The following CDKAL1 variants were observed in gnomAD, a reference collection of about 807,000 sequenced individuals.
CDKAL1 encodes the protein CDKAL1 threonylcarbamoyladenosine tRNA methylthiotransferase.
A neutral mutation model predicts 68.2 loss-of-function variants in CDKAL1; 32 were observed. That is an observed-to-expected ratio of 0.47 (90% CI 0.35 to 0.63). The LOEUF (loss-of-function observed/expected upper bound fraction) is 0.63. Among genes scored for constraint, CDKAL1 ranks in the 30% least tolerant of loss-of-function variants. The pLI is 0.00. For missense variants in CDKAL1, 606 were observed against 696.7 expected, an observed-to-expected ratio of 0.87 and a Z score of 1.47; for synonymous variants, 234 against 244.3, an observed-to-expected ratio of 0.96 and a Z score of 0.39.
rs536463827 is a variant in CDKAL1, at chr6:20,579,119, G to A, written c.286+30414G>A. 4.9e-4 allele frequency among the ~76,000 whole-genome samples: 75 copies of A among 152,092 alleles called. 1 individual carries two copies. The South Asian group carries it at 0.014, about 29-fold the overall frequency. On this transcript the variant is annotated intron_variant, in intron 4 of 15. Coordinates refer to ENST00000274695, the MANE Select transcript of CDKAL1 (RefSeq NM_017774.3). Reference sequence around the variant, plus strand: ...CAGCCTTCCGAGTAGCTGGCATTACGGGCCTGCACCACCATGCTTGGCTAA... The same window carrying A: ...CAGCCTTCCGAGTAGCTGGCATTACAGGCCTGCACCACCATGCTTGGCTAA...
At chr6:21,222,321 G>A (rs2151125499) in intron 15 of CDKAL1, among the ~76,000 whole-genome samples, 1 of 152,288 alleles carries the variant, frequency 6.6e-6, no homozygotes, top group Admixed American at 6.5e-5. Context: ...GTCTGATGTA[G>A]AATTTCTCAT....
At chr6:20,560,530 T>TA (rs1288952033) in intron 4 of CDKAL1, among the ~76,000 whole-genome samples, 1 of 152,222 alleles carries the variant, frequency 6.6e-6, no homozygotes, top group African/African-American at 2.4e-5. Context: ...AAACATTTGT[T>TA]ACCTTTAATA....
chr6:21,196,932 C>A (rs781675599), intron 13 of CDKAL1, among the ~76,000 whole-genome samples: 1 of 152,018 alleles, frequency 6.6e-6, no homozygotes, highest in African/African-American at 2.4e-5. Flanking sequence ...CCGAGGCAGG[C>A]GGATCACCTG....
intron 4 of CDKAL1, among the ~76,000 whole-genome samples, chr6:20,558,264 T>C (rs889614674): frequency 3.9e-5 from 6 of 152,208 alleles, no homozygotes; most frequent in African/African-American, 1.4e-4. Flanking sequence ...AGCTGTATTC[T>C]TTCTATCAGC....
intron 9 of CDKAL1, among the ~76,000 whole-genome samples, chr6:20,882,726 T>A (rs1760884536): frequency 6.6e-6 from 1 of 152,192 alleles, no homozygotes; most frequent in South Asian, 2.1e-4. Context: ...TTGGGGCAAT[T>A]ATGAATAAAG....
At chr6:21,133,128 A>G (rs539695388) in intron 13 of CDKAL1, among the ~76,000 whole-genome samples, 4 of 152,312 alleles carry the variant, frequency 2.6e-5, no homozygotes, top group African/African-American at 9.6e-5. Flanking sequence ...GTAACACTAA[A>G]GCATTTGGGG....
At chr6:20,912,367 G>A (rs1232083815) in intron 9 of CDKAL1, among the ~76,000 whole-genome samples, 1 of 152,138 alleles carries the variant, frequency 6.6e-6, no homozygotes, top group Non-Finnish European at 1.5e-5. Context: ...CTCTTGAAAT[G>A]AAGTTGGTCT....
intron 15 of CDKAL1, among the ~76,000 whole-genome samples, chr6:21,211,222 G>A (rs1196906499): frequency 6.6e-6 from 1 of 152,188 alleles, no homozygotes; most frequent in African/African-American, 2.4e-5. Context: ...CCAACGCAAC[G>A]TGACAGAATG....
At chr6:21,193,930 A>G (rs149638596) in intron 13 of CDKAL1, among the ~76,000 whole-genome samples, 62 of 152,340 alleles carry the variant, frequency 4.1e-4, no homozygotes, top group Middle Eastern at 3.4e-3. Context: ...TTATAAGGAA[A>G]AGAAGTTTAT....
intron 12 of CDKAL1, among the ~76,000 whole-genome samples, chr6:21,103,619 C>G (rs1423595517): frequency 1.3e-5 from 2 of 152,110 alleles, no homozygotes; most frequent in Admixed American, 1.3e-4. Context: ...ATGCAGGACG[C>G]AGCATGTAAT....
chr6:20,817,466 T>C (rs1777094203), intron 8 of CDKAL1, among the ~76,000 whole-genome samples: 1 of 152,208 alleles, frequency 6.6e-6, no homozygotes, highest in African/African-American at 2.4e-5. Flanking sequence ...TGTTTTTTTC[T>C]AATTAAATAA....
chr6:21,205,937 C>T (rs1778912457), intron 15 of CDKAL1, among the ~76,000 whole-genome samples: 1 of 150,488 alleles, frequency 6.6e-6, no homozygotes, highest in Admixed American at 6.6e-5. Flanking sequence ...CGGGTTCACG[C>T]CATTCTCCTG....
At chr6:21,069,723 T>C (rs1771650214) in intron 12 of CDKAL1, among the ~76,000 whole-genome samples, 1 of 151,464 alleles carries the variant, frequency 6.6e-6, no homozygotes, top group Non-Finnish European at 1.5e-5. Flanking sequence ...AAAGTATTTC[T>C]TTTTAAAATA....
chr6:20,936,289 C>T (rs1226568863), intron 9 of CDKAL1, among the ~76,000 whole-genome samples: 1 of 122,564 alleles, frequency 8.2e-6, no homozygotes, highest in East Asian at 2.6e-4. Context: ...CTCGCTCTGT[C>T]GCCCAGGCTG....
chr6:20,712,511 A>T (rs1771892807), intron 5 of CDKAL1, among the ~76,000 whole-genome samples: 1 of 152,074 alleles, frequency 6.6e-6, no homozygotes, highest in African/African-American at 2.4e-5. Context: ...TTAGAAAAAA[A>T]AAAAAGAAGT....
chr6:21,105,633 T>C (rs1244322956), intron 12 of CDKAL1, among the ~76,000 whole-genome samples: 1 of 152,146 alleles, frequency 6.6e-6, no homozygotes, highest in East Asian at 1.9e-4. Context: ...GGAGGTATGA[T>C]AGCTGTGTCC....
intron 5 of CDKAL1, among the ~76,000 whole-genome samples, chr6:20,703,536 A>G (rs949872086): frequency 6.6e-6 from 1 of 152,168 alleles, no homozygotes; most frequent in African/African-American, 2.4e-5. Context: ...TAAAAAATAT[A>G]TATATAGCTA....
chr6:20,999,686 A>AAAAAAAAAAAAC (rs1767323901), intron 10 of CDKAL1, among the ~76,000 whole-genome samples: 1 of 139,486 alleles, frequency 7.2e-6, no homozygotes, highest in African/African-American at 3.2e-5. Flanking sequence ...AAAAAAAAAA[A>AAAAAAAAAAAAC]AGAAAGAAAC....
chr6:20,683,531 C>T (rs1198856415), intron 5 of CDKAL1, among the ~76,000 whole-genome samples: 3 of 152,142 alleles, frequency 2.0e-5, no homozygotes, highest in Non-Finnish European at 4.4e-5. Context: ...TTTTATTTCT[C>T]TCACAGTGAT....
Sources: gnomAD v4.1 joint callset for allele counts (sites outside exome capture counted in the v4.1 genomes callset) on GRCh38, gnomAD v4.1.1 for gene constraint, MANE v1.5 for transcripts, NCBI Gene and HGNC (gene_info 2026-07-23, HGNC 2026-07-21) for gene names.